The following TCEA1 variants were observed in gnomAD, a reference collection of about 807,000 sequenced individuals.
TCEA1 encodes transcription elongation factor A1.
Under a neutral mutation model 43.8 loss-of-function variants are expected in TCEA1, and 21 were observed. The observed-to-expected ratio is 0.48, with a 90% CI of 0.34 to 0.69. The LOEUF is 0.69. Among genes scored for constraint, TCEA1 ranks in the 30% least tolerant of loss-of-function variants. The pLI, the probability that TCEA1 is intolerant of heterozygous loss-of-function variation, is 0.01. For missense variants in TCEA1, 250 were observed against 365.1 expected (o/e 0.68, Z 2.57); for synonymous variants, 104 against 117.5 (o/e 0.88, Z 0.75).
intron 3 of TCEA1, 52 bp from the exon 4 acceptor site, chr8:53,993,807 T>G (rs1803961869): frequency 3.5e-6 from 5 of 1,427,916 alleles, no homozygotes; most frequent in South Asian, 2.4e-5. Context: ...AACTAAAAAC[T>G]AAAATACTGC....
Position 53,977,252 on chromosome 8 carries a change from G to A in TCEA1, c.825+1773C>T, listed in dbSNP as rs188933158. Among the ~76,000 whole-genome samples the A allele has an allele frequency of 4.2e-3, 632 of 152,288 alleles. 4 individuals are homozygous for A. Among genetic ancestry groups the A allele is most frequent in the African/African-American group, 0.014 (596 of 41,550 alleles). On this transcript the variant is annotated intron_variant, in intron 8 of 9. Coordinates refer to ENST00000521604, the MANE Select transcript of TCEA1 (RefSeq NM_006756.4). ...GGAGAACGGCGTGAACCCGGGAGGC[G>A]GAGTTTGCAGTGAGCTGAGATGGCG...
intron 4 of TCEA1, among the ~76,000 whole-genome samples, chr8:53,991,870 G>A (rs1438846374): frequency 6.6e-6 from 1 of 151,024 alleles, no homozygotes; most frequent in Non-Finnish European, 1.5e-5. Context: ...TAGTTAATAT[G>A]TTTAATATAT....
rs1032405956 is a variant in TCEA1 at position 53,994,163 on chromosome 8, G to A, written c.233-408C>T. ...AGTTTGAGACCAGCCTGGGCAACAT[G>A]ACAAAACTCTGTCTCTACAAAAAAT... On this transcript the variant is annotated intron_variant, in intron 3 of 9. Coordinates refer to ENST00000521604, the MANE Select transcript of TCEA1 (RefSeq NM_006756.4). Among the ~76,000 whole-genome samples the A allele has an allele frequency of 4.6e-5, 7 of 152,230 alleles. 1 individual carries two copies. Among genetic ancestry groups the A allele is most frequent in the Admixed American group, 3.3e-4 (5 of 15,290 alleles).
intron 7 of TCEA1, among the ~76,000 whole-genome samples, chr8:53,983,204 T>G (rs1343205550): frequency 1.3e-5 from 2 of 152,232 alleles, no homozygotes; most frequent in South Asian, 4.1e-4. Flanking sequence ...ACTGTTTTCT[T>G]AGATGTAATG....
intron 6 of TCEA1, among the ~76,000 whole-genome samples, chr8:53,985,806 GCT>G (rs973019197): frequency 1.3e-5 from 2 of 152,172 alleles, no homozygotes; most frequent in African/African-American, 4.8e-5. Flanking sequence ...GACTGTGTGT[GCT>G]CTGAGGTCCC....
chr8:53,989,253 T>C (rs1474335317), intron 4 of TCEA1, among the ~76,000 whole-genome samples: 1 of 152,188 alleles, frequency 6.6e-6, no homozygotes, highest in African/African-American at 2.4e-5. Context: ...AACCTAATCC[T>C]TTCAATTGCT....
intron 8 of TCEA1, among the ~76,000 whole-genome samples, chr8:53,974,485 G>A (rs1291695974): frequency 1.4e-5 from 2 of 144,684 alleles, no homozygotes; most frequent in Non-Finnish European, 3.0e-5. Context: ...ATTCCAACTA[G>A]TGGAAAGTTA....
Position 53,979,184 on chromosome 8 carries a change from G to C in TCEA1, c.679-13C>G, listed in dbSNP as rs957901927. 1.4e-5 allele frequency: 22 copies of C among 1,609,292 alleles called. No homozygotes were observed. Among genetic ancestry groups the C allele is most frequent in the African/African-American group, 8.0e-5 (6 of 74,766 alleles). ...CACTAGCCATTTCCTATGAGGTAGG[G>C]GGCAATACCACTCAGTTATAGACAC... On this transcript the variant is annotated splice_polypyrimidine_tract_variant and intron_variant, in intron 7 of 9. Coordinates refer to ENST00000521604, the MANE Select transcript of TCEA1 (RefSeq NM_006756.4).
chr8:54,021,268 A>G (rs1375476709), intron 1 of TCEA1, among the ~76,000 whole-genome samples: 1 of 152,232 alleles, frequency 6.6e-6, no homozygotes, highest in Non-Finnish European at 1.5e-5. Flanking sequence ...AAGCTGTAGA[A>G]ACTGGTCGTA....
chr8:54,013,706 AAAAC>A (rs1488658872), intron 1 of TCEA1, among the ~76,000 whole-genome samples: 1 of 151,528 alleles, frequency 6.6e-6, no homozygotes, highest in Non-Finnish European at 1.5e-5. Flanking sequence ...AAAAAAACAA[AAAAC>A]AGACAAACAA....
rs759718178 is a variant in TCEA1, at chr8:53,988,103, A to G, written c.466+11T>C. On this transcript the variant is annotated intron_variant, in intron 5 of 9. Coordinates refer to ENST00000521604, the MANE Select transcript of TCEA1 (RefSeq NM_006756.4). ...ACCAAAGGACTGAGAAATAACATGC[A>G]CTGGACTTACCCCCTGTTCGAAGAG... is the stretch of plus-strand genomic sequence containing the variant. The G allele has an allele frequency of 1.9e-6, 3 of 1,609,520 alleles. No homozygotes were observed. The highest frequency in any genetic ancestry group is 1.1e-5 in the South Asian group (1 of 90,474).
rs377564832 is a variant in TCEA1, at chr8:54,001,838, T to C, written c.127-1788A>G. 4.4e-4 allele frequency among the ~76,000 whole-genome samples: 67 copies of C among 151,886 alleles called. No homozygotes were observed. The East Asian group carries it at 8.1e-3, about 18-fold the overall frequency. ...TAAACATGCTTATCTATGGAAGAGA[T>C]TGTCAAGCCAAAATAATAAGAAATG... On this transcript the variant is annotated intron_variant, in intron 2 of 9. Coordinates refer to ENST00000521604, the MANE Select transcript of TCEA1 (RefSeq NM_006756.4).
chr8:53,987,988 C>A lies in TCEA1; in HGVS notation c.466+126G>T, dbSNP rs548761700. On this transcript the variant is annotated intron_variant, in intron 5 of 9. Coordinates refer to ENST00000521604, the MANE Select transcript of TCEA1 (RefSeq NM_006756.4). ...ACCCGTATCAGCAACAACTTCTCCC[C>A]AAGCTAAGCAGCAGTGGGTGGGCTA... 8.6e-5 allele frequency: 104 copies of A among 1,213,738 alleles called. No homozygotes were observed. In the African/African-American group the frequency reaches 1.5e-3, roughly 17 times the overall value. 75.2% of individuals were successfully genotyped at this position (1,213,738 alleles called of 1,614,324 possible). A position where few individuals can be genotyped will look rare whatever the true frequency, so the allele number is the denominator to read the frequency against.
At position 54,010,657 on chromosome 8, in the gene TCEA1, ATTAAT is replaced by A. The variant is rs375683669; in HGVS notation, c.64-170_64-166del. On this transcript the variant is annotated intron_variant, in intron 1 of 9. Coordinates refer to ENST00000521604, the MANE Select transcript of TCEA1 (RefSeq NM_006756.4). Reference sequence around the variant, plus strand: ...TTACAGCCAAATATTACAATTTGATATTAATTTAATTTAATCATTTCATCTAATTG... The same window carrying A: ...TTACAGCCAAATATTACAATTTGATATTAATTTAATCATTTCATCTAATTG... 1.3e-3 allele frequency among the ~76,000 whole-genome samples: 201 copies of A among 152,348 alleles called. 1 individual carries two copies. The highest frequency in any genetic ancestry group is 4.8e-3 in the African/African-American group (199 of 41,580).
chr8:53,995,649 A>G (rs1244117278), intron 3 of TCEA1, among the ~76,000 whole-genome samples: 1 of 152,220 alleles, frequency 6.6e-6, no homozygotes, highest in East Asian at 1.9e-4. Flanking sequence ...CCAACTGGAT[A>G]GCAGAATCAC....
At chr8:54,011,627 C>T (rs919416222) in intron 1 of TCEA1, among the ~76,000 whole-genome samples, 1 of 152,212 alleles carries the variant, frequency 6.6e-6, no homozygotes, top group Non-Finnish European at 1.5e-5. Flanking sequence ...CAATGAAATA[C>T]ACGCTATCCC....
chr8:54,016,906 G>A (rs762714512), intron 1 of TCEA1, among the ~76,000 whole-genome samples: 11 of 150,604 alleles, frequency 7.3e-5, no homozygotes, highest in Admixed American at 1.3e-4. Context: ...CCTGGGAGGC[G>A]GAGGTTGCAG....
Position 54,002,277 on chromosome 8 carries a change from C to A in TCEA1, c.127-2227G>T, listed in dbSNP as rs1804294589. On this transcript the variant is annotated intron_variant, in intron 2 of 9. Coordinates refer to ENST00000521604, the MANE Select transcript of TCEA1 (RefSeq NM_006756.4). The stretch of plus-strand genomic sequence containing the variant: ...ACGAGGTCGGGAGATTAAGACCATC[C>A]TGGCTGACACGGTGAAACCCCATCT... Among the ~76,000 whole-genome samples the A allele has an allele frequency of 2.0e-5, 3 of 151,588 alleles. 1 individual carries two copies. In the South Asian group the frequency reaches 6.2e-4, roughly 31 times the overall value.
At chr8:54,004,348 G>A (rs553012802) in intron 2 of TCEA1, among the ~76,000 whole-genome samples, 3 of 152,298 alleles carry the variant, frequency 2.0e-5, no homozygotes, top group Admixed American at 6.5e-5. Flanking sequence ...GCATAGCAGT[G>A]TGATACATAA....
Sources: gnomAD v4.1 joint callset for allele counts (sites outside exome capture counted in the v4.1 genomes callset) on GRCh38, gnomAD v4.1.1 for gene constraint, MANE v1.5 for transcripts, NCBI Gene and HGNC (gene_info 2026-07-23, HGNC 2026-07-21) for gene names.